ZFHX3: variants seen among roughly 807,000 people sequenced by gnomAD.
ZFHX3 encodes the protein zinc finger homeobox 3, also known as zinc finger homeobox protein 3.
Under a neutral mutation model 279.1 loss-of-function variants are expected in ZFHX3, and 42 were observed. The observed-to-expected ratio is 0.15, with a 90% confidence interval of 0.12 to 0.19. The LOEUF is 0.19. Ranked by LOEUF, ZFHX3 falls within the 10% of genes least tolerant of loss-of-function variation. The pLI is 1.00. For missense variants in ZFHX3, 4,981 were observed against 4,754.0 expected (o/e 1.05, Z -1.40); for synonymous variants, 2,293 against 1,957.8 (o/e 1.17, Z -4.52).
intron 1 of ZFHX3, among the ~76,000 whole-genome samples, chr16:73,707,089 A>T (rs1365687064): frequency 6.6e-6 from 1 of 152,238 alleles, no homozygotes; most frequent in African/African-American, 2.4e-5. Context: ...TATGTCTTGA[A>T]TTCATCAAAG....
At chr16:73,020,870 C>A (rs2144650031) in intron 1 of ZFHX3, among the ~76,000 whole-genome samples, 1 of 152,246 alleles carries the variant, frequency 6.6e-6, no homozygotes, top group South Asian at 2.1e-4. Context: ...CCCGCCCCCC[C>A]AATACTCTTC....
intron 2 of ZFHX3, among the ~76,000 whole-genome samples, chr16:73,570,091 C>G (rs1279107730): frequency 6.6e-6 from 1 of 152,132 alleles, no homozygotes; most frequent in Non-Finnish European, 1.5e-5. Context: ...AGGAACTGGA[C>G]TTTAACAAAG....
chr16:73,579,732 G>C (rs1209625750), intron 2 of ZFHX3, among the ~76,000 whole-genome samples: 2 of 149,586 alleles, frequency 1.3e-5, no homozygotes, highest in African/African-American at 2.5e-5. Context: ...TCGATCTCCT[G>C]ACCTCGTGAT....
intron 2 of ZFHX3, 106 bp downstream of exon 2, chr16:72,957,321 G>A (rs1192999795): frequency 8.8e-6 from 12 of 1,370,374 alleles, no homozygotes; most frequent in South Asian, 8.6e-5. Context: ...AAAACCACTC[G>A]AGAAGACCAG....
At chr16:72,892,035 A>T (rs2038785428) in intron 3 of ZFHX3, among the ~76,000 whole-genome samples, 1 of 152,242 alleles carries the variant, frequency 6.6e-6, no homozygotes, top group Non-Finnish European at 1.5e-5. Flanking sequence ...AAAATACCAG[A>T]GTGGCCCTGT....
intron 2 of ZFHX3, among the ~76,000 whole-genome samples, chr16:73,641,930 A>G (rs2052576462): frequency 6.6e-6 from 1 of 152,088 alleles, no homozygotes; most frequent in Non-Finnish European, 1.5e-5. Context: ...CTCAGATGCA[A>G]ACGAGATAGG....
At chr16:73,669,844 T>A (rs994881482) in intron 2 of ZFHX3, among the ~76,000 whole-genome samples, 1 of 151,930 alleles carries the variant, frequency 6.6e-6, no homozygotes, top group Non-Finnish European at 1.5e-5. Flanking sequence ...TGCTGGGGTA[T>A]TTTTTTTAAA....
chr16:73,817,752 C>CA (rs1960615373), intron 1 of ZFHX3, among the ~76,000 whole-genome samples: 1 of 152,186 alleles, frequency 6.6e-6, no homozygotes, highest in African/African-American at 2.4e-5. Flanking sequence ...CCCAGATACT[C>CA]ATTAGTACTG....
At chr16:73,874,226 T>G (rs1329722415) in intron 1 of ZFHX3, among the ~76,000 whole-genome samples, 1 of 152,134 alleles carries the variant, frequency 6.6e-6, no homozygotes, top group East Asian at 1.9e-4. Flanking sequence ...TGTGTGCATA[T>G]TTAGGAAGAA....
At chr16:73,657,271 A>T (rs56371996) in intron 2 of ZFHX3, among the ~76,000 whole-genome samples, 1 of 151,308 alleles carries the variant, frequency 6.6e-6, no homozygotes, top group African/African-American at 2.4e-5. Context: ...AGCCTGCCCA[A>T]CACGGCAAAA....
intron 1 of ZFHX3, among the ~76,000 whole-genome samples, chr16:73,045,000 G>A (rs545932854): frequency 4.6e-5 from 7 of 152,292 alleles, no homozygotes; most frequent in South Asian, 4.1e-4. Flanking sequence ...TTTACAAAAT[G>A]TTGCTTAGTC....
intron 2 of ZFHX3, among the ~76,000 whole-genome samples, chr16:73,503,136 C>A (rs1054735824): frequency 6.6e-6 from 1 of 152,188 alleles, no homozygotes; most frequent in African/African-American, 2.4e-5. Flanking sequence ...TCACACCACA[C>A]GATCGGTGGC....
intron 3 of ZFHX3, among the ~76,000 whole-genome samples, chr16:73,383,301 G>T (rs183461111): frequency 1.9e-4 from 29 of 152,328 alleles, no homozygotes; most frequent in Non-Finnish European, 3.7e-4. Flanking sequence ...GGAGTGACAG[G>T]CAGCACAAAG....
At chr16:73,654,283 C>T (rs931182161) in intron 2 of ZFHX3, among the ~76,000 whole-genome samples, 1 of 151,532 alleles carries the variant, frequency 6.6e-6, no homozygotes, top group African/African-American at 2.4e-5. Flanking sequence ...TGGCTAGATA[C>T]TTTAGTAGTC....
rs544550485 is a variant in ZFHX3, at chr16:73,757,601, T to A, written c.-1607-77361A>T. Among the ~76,000 whole-genome samples, 26 of 152,004 alleles carry A rather than the reference T, an allele frequency of 1.7e-4. No individual in the cohort carries two copies. In the South Asian group the frequency reaches 3.3e-3, roughly 19 times the overall value. Reference sequence around the variant, plus strand: ...GTTAGGCATTGAGATAAAATGGGAGTAAGACACCAACAAGATAGTCAGAGT... The same window carrying A: ...GTTAGGCATTGAGATAAAATGGGAGAAAGACACCAACAAGATAGTCAGAGT... On this transcript the variant is annotated intron_variant, in intron 1 of 17. Transcript: ENST00000641206.
At chr16:73,420,668 AC>A (rs2017701194) in intron 3 of ZFHX3, 1 of 152,148 alleles carries the variant, frequency 6.6e-6, no homozygotes, top group African/African-American at 2.4e-5. Context: ...TTTTTGATGA[AC>A]CAAGCTGGCT....
chr16:73,482,972 G>A (rs899478886), intron 2 of ZFHX3, among the ~76,000 whole-genome samples: 23 of 152,200 alleles, frequency 1.5e-4, no homozygotes, highest in Admixed American at 1.4e-3. Flanking sequence ...ATTAACTACC[G>A]CAAGACACAA....
At chr16:73,722,713 G>C (rs1190592391) in intron 1 of ZFHX3, among the ~76,000 whole-genome samples, 1 of 152,164 alleles carries the variant, frequency 6.6e-6, no homozygotes, top group Admixed American at 6.5e-5. Context: ...TGCCTCCAAT[G>C]ATATGGGTAA....
At chr16:73,859,343 A>C (rs1961821593) in intron 1 of ZFHX3, among the ~76,000 whole-genome samples, 1 of 152,200 alleles carries the variant, frequency 6.6e-6, no homozygotes, top group Non-Finnish European at 1.5e-5. Context: ...TAAAGCCTTG[A>C]TGATGATCCA....
Sources: gnomAD v4.1 joint callset for allele counts (sites outside exome capture counted in the v4.1 genomes callset) on GRCh38, gnomAD v4.1.1 for gene constraint, MANE v1.5 for transcripts, NCBI Gene and HGNC (gene_info 2026-07-23, HGNC 2026-07-21) for gene names.